Variants in LMAN2 observed in about 807,000 individuals in gnomAD.
The protein encoded by LMAN2 is vesicular integral-membrane protein VIP36.
Under a neutral mutation model 39.3 loss-of-function variants are expected in LMAN2, and 22 were observed. The observed-to-expected ratio is 0.56, with a 90% CI of 0.40 to 0.80. The LOEUF is 0.80. Among genes scored for constraint, LMAN2 ranks in the 30% least tolerant of loss-of-function variants. LMAN2 has a pLI of 0.00. For synonymous variants in LMAN2, 207 were observed against 207.8 expected, an observed-to-expected ratio of 1.00 and a Z score of 0.03; for missense variants, 494 against 505.4, an observed-to-expected ratio of 0.98 and a Z score of 0.22.
Position 177,337,002 on chromosome 5 carries a change from G to A in LMAN2, c.790+134C>T, listed in dbSNP as rs753636706. 159 of 672,458 alleles carry A rather than the reference G, an allele frequency of 2.4e-4. No individual in the cohort carries two copies. Among genetic ancestry groups the A allele is most frequent in the Non-Finnish European group, 3.8e-4 (146 of 384,706 alleles). 41.7% of individuals were successfully genotyped at this position (672,458 alleles called of 1,614,324 possible). ...CTGAGGCCCGGACAGGCCATTTACA[G>A]AAGAAAGGAGGAGGAGGAACACAGC... On this transcript the variant is annotated intron_variant, in intron 6 of 7. Coordinates refer to ENST00000303127, the MANE Select transcript of LMAN2 (RefSeq NM_006816.3). This position sits in a 1 kb window ranked among gnomAD's most constrained non-coding sequence, Gnocchi z 8.2.
chr5:177,342,834 C>G (rs1057259219), intron 2 of LMAN2, among the ~76,000 whole-genome samples: 1 of 151,140 alleles, frequency 6.6e-6, no homozygotes, highest in Non-Finnish European at 1.5e-5. Flanking sequence ...ATAAATTGTA[C>G]TTCACTAAAA....
At chr5:177,347,116 C>T (rs1026551765) in intron 2 of LMAN2, among the ~76,000 whole-genome samples, 1 of 152,072 alleles carries the variant, frequency 6.6e-6, no homozygotes, top group East Asian at 1.9e-4. Context: ...TATTTGAAAA[C>T]TTTAAAAAAA....
At chr5:177,347,910 A>T (rs1761658139) in intron 2 of LMAN2, among the ~76,000 whole-genome samples, 1 of 152,132 alleles carries the variant, frequency 6.6e-6, no homozygotes, top group Non-Finnish European at 1.5e-5. Flanking sequence ...CTTGAGTCCA[A>T]GAGTTCAAGA....
intron 2 of LMAN2, among the ~76,000 whole-genome samples, chr5:177,341,354 C>A (rs533676146): frequency 6.6e-6 from 1 of 152,234 alleles, no homozygotes; most frequent in Non-Finnish European, 1.5e-5. Context: ...GCGTGAGCCA[C>A]CGCGCCCGGC....
intron 2 of LMAN2, among the ~76,000 whole-genome samples, chr5:177,350,766 AAT>A (rs1335506462): frequency 1.3e-5 from 2 of 152,262 alleles, no homozygotes; most frequent in African/African-American, 4.8e-5. Context: ...GTCAGTGCCT[AAT>A]ACACAGCAAA....
rs114238463 is a variant in LMAN2 at position 177,341,404 on chromosome 5, G to C, written c.316-2799C>G. 3.7e-3 allele frequency among the ~76,000 whole-genome samples: 559 copies of C among 152,200 alleles called. 4 individuals carry two copies. Among genetic ancestry groups the C allele is most frequent in the African/African-American group, 0.012 (518 of 41,508 alleles). The stretch of plus-strand genomic sequence containing the variant: ...TAATCTTAAAGAAAAAGGAACCAGA[G>C]GGAAAAAAGGCAATGACTCTCACAG... On this transcript the variant is annotated intron_variant, in intron 2 of 7. Coordinates refer to ENST00000303127, the MANE Select transcript of LMAN2 (RefSeq NM_006816.3).
At chr5:177,347,848 T>C (rs1467192257) in intron 2 of LMAN2, among the ~76,000 whole-genome samples, 2 of 152,196 alleles carry the variant, frequency 1.3e-5, no homozygotes, top group Non-Finnish European at 2.9e-5. Context: ...CCAGGCACAG[T>C]GGTGGTGAGC....
chr5:177,344,066 A>G (rs1436567552), intron 2 of LMAN2, among the ~76,000 whole-genome samples: 1 of 151,516 alleles, frequency 6.6e-6, no homozygotes, highest in Non-Finnish European at 1.5e-5. Flanking sequence ...AAAAAAAAAA[A>G]AATTAGCCAG....
chr5:177,332,024 G>C lies in LMAN2; in HGVS notation c.*62C>G. The C allele has an allele frequency of 6.8e-7, 1 of 1,464,374 alleles. No homozygotes were observed. Among genetic ancestry groups the C allele is most frequent in the Non-Finnish European group, 9.2e-7 (1 of 1,082,352 alleles). 90.7% of individuals were successfully genotyped at this position (1,464,374 alleles called of 1,614,324 possible). ...CATCTTGTTGTTCTTTTATAATCCC[G>C]GTAAAAAAAAAAGTTCACATTGGCT... On this transcript the variant is annotated 3_prime_UTR_variant, in exon 8 of 8. Coordinates refer to ENST00000303127, the MANE Select transcript of LMAN2 (RefSeq NM_006816.3). The surrounding 1 kb of genome is among the most constrained non-coding windows in gnomAD (Gnocchi z 6.3).
Position 177,332,075 on chromosome 5 carries a change from G to T in LMAN2, c.*11C>A. On this transcript the variant is annotated 3_prime_UTR_variant, in exon 8 of 8. Coordinates refer to ENST00000303127, the MANE Select transcript of LMAN2 (RefSeq NM_006816.3). This position sits in a 1 kb window ranked among gnomAD's most constrained non-coding sequence, Gnocchi z 6.3. ...CCTGGGCCCAGGGACAGGCCCCGCC[G>T]GAGGCGCCACTCAGTAGAAGCGCTT... The T allele has an allele frequency of 6.3e-7, 1 of 1,593,234 alleles. No individual in the cohort carries two copies. The highest frequency in any genetic ancestry group is 8.6e-7 in the Non-Finnish European group (1 of 1,165,964).
chr5:177,346,090 T>G (rs9313758), intron 2 of LMAN2: 62,202 of 153,186 alleles, frequency 0.41, 14,812 homozygotes, highest in African/African-American at 0.66. Flanking sequence ...TAAAGATACC[T>G]GAAGAAAACC....
intron 2 of LMAN2, among the ~76,000 whole-genome samples, chr5:177,347,347 CACATGAG>C (rs1441537220): frequency 1.3e-5 from 2 of 152,132 alleles, no homozygotes; most frequent in Non-Finnish European, 2.9e-5. Flanking sequence ...CAGGAATGAG[CACATGAG>C]ACAGTGGAGG....
At chr5:177,351,111 C>A in intron 2 of LMAN2, 62 bp downstream of exon 2, 1 of 1,463,030 alleles carries the variant, frequency 6.8e-7, no homozygotes, top group Non-Finnish European at 9.6e-7. Flanking sequence ...GTCTCAGCTG[C>A]TCGGGAGGCA....
rs1386610107 is a variant in LMAN2 at position 177,351,474 on chromosome 5, A to C, written c.174T>G (p.His58Gln). 3 of 1,613,588 alleles carry C rather than the reference A, an allele frequency of 1.9e-6. No individual in the cohort carries two copies. The highest frequency in any genetic ancestry group is 2.5e-6 in the Non-Finnish European group (3 of 1,179,758). Reference protein sequence around the residue: ...DGNSEHLKREHSLIKPYQGVG... With the variant: ...DGNSEHLKREQSLIKPYQGVG... ...CACCTTGGTAGGGCTTAATGAGCGA[A>C]TGCTCCCGCTTGAGATGTTCACTGT... The change falls in exon 1 of 8, where the codon CAT becomes CAG. Residue 58 changes from histidine (H) to glutamine (Q), a missense_variant. Transcript: ENST00000303127.
intron 2 of LMAN2, among the ~76,000 whole-genome samples, chr5:177,343,578 C>CGGAATGTGGTCTAG (rs1761589548): frequency 6.6e-6 from 1 of 152,180 alleles, no homozygotes. Context: ...CACACACACA[C>CGGAATGTGGTCTAG]ACACACACAC....
At chr5:177,335,884 G>T (rs889200893) in intron 6 of LMAN2, among the ~76,000 whole-genome samples, 44 of 152,182 alleles carry the variant, frequency 2.9e-4, no homozygotes, top group African/African-American at 8.9e-4. Flanking sequence ...CTGGCCCTGG[G>T]CCTGGCACCT....
chr5:177,340,615 C>T (rs927991032), intron 2 of LMAN2, among the ~76,000 whole-genome samples: 1 of 152,090 alleles, frequency 6.6e-6, no homozygotes, highest in Admixed American at 6.6e-5. Flanking sequence ...ACTAAAAATA[C>T]AAAAATTAGC....
chr5:177,344,409 T>C (rs1316554414), intron 2 of LMAN2, among the ~76,000 whole-genome samples: 1 of 149,206 alleles, frequency 6.7e-6, no homozygotes, highest in African/African-American at 2.5e-5. Context: ...GCCTCCTGAG[T>C]AGCTGGGATT....
At chr5:177,336,441 C>A (rs1392355816) in intron 6 of LMAN2, among the ~76,000 whole-genome samples, 1 of 152,144 alleles carries the variant, frequency 6.6e-6, no homozygotes, top group African/African-American at 2.4e-5. Context: ...CTGCTGTGCT[C>A]ACGAGAGACT....
Sources: gnomAD v4.1 joint callset for allele counts (sites outside exome capture counted in the v4.1 genomes callset) on GRCh38, gnomAD v4.1.1 for gene constraint, Gnocchi (gnomAD v3.1) non-coding constraint, MANE v1.5 for transcripts, NCBI Gene and HGNC (gene_info 2026-07-23, HGNC 2026-07-21) for gene names.